CLYBL: variants seen among roughly 807,000 people sequenced by gnomAD.
CLYBL encodes the protein citramalyl-CoA lyase.
In CLYBL, 31 loss-of-function variants were observed where a neutral mutation model predicts 38.9. The observed-to-expected ratio is 0.80, with a 90% CI of 0.60 to 1.08. The LOEUF (loss-of-function observed/expected upper bound fraction) is 1.08, where lower values mean the gene tolerates loss of function less well. Among genes scored for constraint, CLYBL ranks in the 50% least tolerant of loss-of-function variants. CLYBL has a pLI of 0.00. For missense variants in CLYBL, 434 were observed against 411.6 expected (o/e 1.05, Z -0.47); for synonymous variants, 171 against 158.6 (o/e 1.08, Z -0.59).
chr13:99,861,519 A>AAATT (rs1566357894), intron 3 of CLYBL, among the ~76,000 whole-genome samples: 1 of 152,218 alleles, frequency 6.6e-6, no homozygotes, highest in African/African-American at 2.4e-5. Flanking sequence ...AATGAGAAAT[A>AAATT]AATTATATTT....
intron 1 of CLYBL, among the ~76,000 whole-genome samples, chr13:99,732,169 G>GTTTTTTT (rs35027014): frequency 4.4e-5 from 4 of 90,762 alleles, no homozygotes; most frequent in Non-Finnish European, 6.3e-5. Flanking sequence ...TTATATGGCA[G>GTTTTTTT]TTTTTTTTTT....
chr13:99,756,918 G>T (rs56042346), intron 1 of CLYBL, among the ~76,000 whole-genome samples: 309 of 151,906 alleles, frequency 2.0e-3, no homozygotes, highest in Admixed American at 3.8e-3. Flanking sequence ...TTTTTTTTCA[G>T]ACAGGGTTTC....
Position 99,859,018 on chromosome 13 carries a change from C to A in CLYBL, c.407C>A (p.Pro136Gln). ...GTCCTTCCTTCCAGCCTGATGCTAC[C>A]AAAGGTGGAAAGTCCTGAAGAAATC... ...SRVLPSSLML[P>Q]KVESPEEIQW... Residue 136 changes from proline to glutamine, a missense_variant, in exon 3 of 9, where the codon CCA becomes CAA. Pro to Gln is a moderately conservative substitution (Grantham distance 76). Transcript: ENST00000339105. 6.2e-7 allele frequency: 1 copy of A among 1,613,670 alleles called. No individual in the cohort carries two copies. The highest frequency in any genetic ancestry group is 1.3e-5 in the African/African-American group (1 of 74,982).
intron 1 of CLYBL, among the ~76,000 whole-genome samples, chr13:99,750,157 G>C (rs2048928100): frequency 6.6e-6 from 1 of 152,156 alleles, no homozygotes; most frequent in Non-Finnish European, 1.5e-5. Flanking sequence ...ACAGAACAGA[G>C]AAAGAGGCAG....
intron 1 of CLYBL, chr13:99,690,502 C>T (rs1458627036): frequency 2.0e-5 from 3 of 152,114 alleles, no homozygotes; most frequent in Admixed American, 6.6e-5. Flanking sequence ...TAGGAAGCAC[C>T]GTAATACCGC....
At chr13:99,839,159 G>A (rs1019705969) in intron 2 of CLYBL, among the ~76,000 whole-genome samples, 3 of 152,230 alleles carry the variant, frequency 2.0e-5, no homozygotes, top group Non-Finnish European at 4.4e-5. Context: ...CATAGCATCT[G>A]GAAGAGCAGT....
intron 1 of CLYBL, among the ~76,000 whole-genome samples, chr13:99,644,165 G>GTGTATGTATGTATATGTGT (rs2047139495): frequency 7.1e-6 from 1 of 140,330 alleles, no homozygotes; most frequent in African/African-American, 2.6e-5. Context: ...TGTATATGTG[G>GTGTATGTATGTATATGTGT]TGTATGTATG....
rs547399031 is a variant in CLYBL at position 99,825,789 on chromosome 13, T to C, written c.250-33072T>C. Among the ~76,000 whole-genome samples, 5 of 152,342 alleles carry C rather than the reference T, an allele frequency of 3.3e-5. No individual in the cohort carries two copies. The South Asian group carries it at 1.0e-3, about 32-fold the overall frequency. On this transcript the variant is annotated intron_variant, in intron 2 of 8. Transcript: ENST00000339105. Reference sequence around the variant, plus strand: ...GCGGCACAGATTGCCATTCCTGCACTGGCCGTGATTGTAGTAAGTCCCTCA... The same window carrying C: ...GCGGCACAGATTGCCATTCCTGCACCGGCCGTGATTGTAGTAAGTCCCTCA...
chr13:99,815,797 A>G (rs1027364788), intron 2 of CLYBL, among the ~76,000 whole-genome samples: 1 of 152,196 alleles, frequency 6.6e-6, no homozygotes, highest in African/African-American at 2.4e-5. Context: ...GAGTCACTTG[A>G]ACCCAAGAGG....
intron 7 of CLYBL, among the ~76,000 whole-genome samples, chr13:99,886,439 G>A (rs978845481): frequency 1.3e-5 from 2 of 152,266 alleles, no homozygotes; most frequent in Non-Finnish European, 2.9e-5. Context: ...TGGCCGAGGT[G>A]TCAGAAAAAC....
chr13:99,792,675 C>T (rs964818517), intron 2 of CLYBL, among the ~76,000 whole-genome samples: 2 of 149,954 alleles, frequency 1.3e-5, no homozygotes, highest in African/African-American at 2.4e-5. Flanking sequence ...GTTGTGGAGG[C>T]GAGAACAACT....
chr13:99,822,089 C>T (rs1471193064), intron 2 of CLYBL, among the ~76,000 whole-genome samples: 2 of 152,206 alleles, frequency 1.3e-5, no homozygotes, highest in Non-Finnish European at 2.9e-5. Context: ...TTAGATCATC[C>T]AGCCCTAGTC....
intron 3 of CLYBL, among the ~76,000 whole-genome samples, chr13:99,861,690 A>C (rs1012194196): frequency 6.6e-6 from 1 of 152,166 alleles, no homozygotes; most frequent in East Asian, 1.9e-4. Flanking sequence ...ACTGGGAATA[A>C]TTCTTCATTA....
chr13:99,837,028 T>TTAAAG (rs1035944105), intron 2 of CLYBL, among the ~76,000 whole-genome samples: 12 of 151,600 alleles, frequency 7.9e-5, no homozygotes, highest in African/African-American at 2.7e-4. Flanking sequence ...ACCCTAAAAC[T>TTAAAG]TAAAGTATAA....
At chr13:99,866,641 T>C (rs1214117923) in intron 6 of CLYBL, among the ~76,000 whole-genome samples, 1 of 151,652 alleles carries the variant, frequency 6.6e-6, no homozygotes, top group Non-Finnish European at 1.5e-5. Context: ...TAGTTGCTTT[T>C]TTTTTTTTCT....
At chr13:99,743,387 G>T (rs1277544799) in intron 1 of CLYBL, among the ~76,000 whole-genome samples, 1 of 152,128 alleles carries the variant, frequency 6.6e-6, no homozygotes, top group Non-Finnish European at 1.5e-5. Flanking sequence ...CTTCACTTGC[G>T]TATAAAGAAA....
chr13:99,649,450 T>A (rs2047220097), intron 1 of CLYBL, among the ~76,000 whole-genome samples: 2 of 152,220 alleles, frequency 1.3e-5, no homozygotes, highest in African/African-American at 4.8e-5. Context: ...GCTAAACAGT[T>A]ACACAGTTAA....
chr13:99,694,563 C>T (rs745359656), intron 1 of CLYBL, among the ~76,000 whole-genome samples: 19 of 152,174 alleles, frequency 1.2e-4, no homozygotes, highest in Non-Finnish European at 2.5e-4. Context: ...ATCTCCATTC[C>T]GGCTCACACA....
At chr13:99,885,553 A>G (rs373615081) in intron 7 of CLYBL, among the ~76,000 whole-genome samples, 1 of 152,174 alleles carries the variant, frequency 6.6e-6, no homozygotes, top group East Asian at 1.9e-4. Context: ...GAAAGATAAC[A>G]GCACGCTCCC....
Sources: allele counts gnomAD v4.1 joint callset (sites outside exome capture counted in the v4.1 genomes callset), GRCh38; gene constraint gnomAD v4.1.1; transcripts MANE v1.5; gene names NCBI Gene and HGNC (gene_info 2026-07-23, HGNC 2026-07-21).